Variants in KCNH8 observed in about 807,000 individuals in gnomAD.
KCNH8 encodes potassium voltage-gated channel subfamily H member 8, also known as voltage-gated delayed rectifier potassium channel KCNH8.
Under a neutral mutation model 103.6 loss-of-function variants are expected in KCNH8, and 70 were observed. That is an observed-to-expected ratio of 0.68 (90% CI 0.56 to 0.82). KCNH8 has a LOEUF of 0.82. Among genes scored for constraint, KCNH8 ranks in the 40% least tolerant of loss-of-function variants. KCNH8 has a pLI of 0.00. For missense variants in KCNH8, 1,217 were observed against 1,329.9 expected (o/e 0.92, Z 1.32); for synonymous variants, 498 against 489.4 (o/e 1.02, Z -0.23).
intron 11 of KCNH8, among the ~76,000 whole-genome samples, chr3:19,473,108 A>T (rs1173333425): frequency 6.6e-6 from 1 of 152,218 alleles, no homozygotes; most frequent in African/African-American, 2.4e-5. Flanking sequence ...AAAGAATCAA[A>T]CAGAATAAAA....
intron 1 of KCNH8, among the ~76,000 whole-genome samples, chr3:19,177,398 T>A (rs1453076164): frequency 6.6e-6 from 1 of 152,128 alleles, no homozygotes; most frequent in Non-Finnish European, 1.5e-5. Context: ...GTAATGATTG[T>A]CATGCATCTA....
At chr3:19,484,755 G>A (rs1162191610) in intron 11 of KCNH8, among the ~76,000 whole-genome samples, 1 of 152,152 alleles carries the variant, frequency 6.6e-6, no homozygotes, top group Non-Finnish European at 1.5e-5. Flanking sequence ...AGGATGAACT[G>A]GGGAGAATAA....
chr3:19,346,753 T>C, intron 4 of KCNH8: 1 of 451,442 alleles, frequency 2.2e-6, no homozygotes, highest in South Asian at 1.6e-5. Flanking sequence ...TATTCGGGAA[T>C]TTATAACTGC....
chr3:19,515,495 G>A, intron 14 of KCNH8, 67 bp downstream of exon 14: 2 of 666,954 alleles, frequency 3.0e-6, no homozygotes, highest in Non-Finnish European at 4.1e-6. Flanking sequence ...GTTTGTTATG[G>A]GCATTTTTTT....
intron 3 of KCNH8, among the ~76,000 whole-genome samples, chr3:19,321,633 A>T (rs1443159438): frequency 1.3e-5 from 2 of 151,160 alleles, no homozygotes; most frequent in Non-Finnish European, 2.9e-5. Flanking sequence ...TTGTGTGCTG[A>T]TGAGTAGAAT....
chr3:19,358,455 C>A (rs1054283780), intron 5 of KCNH8, among the ~76,000 whole-genome samples: 2 of 151,772 alleles, frequency 1.3e-5, no homozygotes, highest in African/African-American at 4.8e-5. Flanking sequence ...AAAATATGTT[C>A]TTTAGCAGGA....
At chr3:19,399,015 A>G (rs903952259) in intron 7 of KCNH8, among the ~76,000 whole-genome samples, 2 of 152,012 alleles carry the variant, frequency 1.3e-5, no homozygotes, top group African/African-American at 4.8e-5. Flanking sequence ...CCTCTGAAAA[A>G]TGTTTACATA....
At chr3:19,304,450 ATATT>A (rs1466411235) in intron 3 of KCNH8, among the ~76,000 whole-genome samples, 4 of 152,240 alleles carry the variant, frequency 2.6e-5, no homozygotes, top group Admixed American at 2.0e-4. Context: ...ACAAAGCTAA[ATATT>A]TAATATCTCT....
intron 11 of KCNH8, among the ~76,000 whole-genome samples, chr3:19,501,262 A>C (rs976808386): frequency 2.0e-5 from 3 of 152,144 alleles, no homozygotes; most frequent in African/African-American, 7.2e-5. Flanking sequence ...CAATAACAGG[A>C]GCTGAAATTG....
At chr3:19,159,404 T>C (rs2063212666) in intron 1 of KCNH8, among the ~76,000 whole-genome samples, 1 of 152,002 alleles carries the variant, frequency 6.6e-6, no homozygotes, top group Non-Finnish European at 1.5e-5. Context: ...GAATTTACAT[T>C]CTTTTCTTGG....
At chr3:19,430,364 C>CTG (rs2067102029) in intron 7 of KCNH8, among the ~76,000 whole-genome samples, 1 of 152,012 alleles carries the variant, frequency 6.6e-6, no homozygotes, top group Non-Finnish European at 1.5e-5. Flanking sequence ...CTTTTGGTTA[C>CTG]TGTAGCCTGG....
chr3:19,259,384 G>T (rs568533540), intron 2 of KCNH8, among the ~76,000 whole-genome samples: 4 of 151,500 alleles, frequency 2.6e-5, no homozygotes, highest in Non-Finnish European at 5.9e-5. Context: ...AGTATACTGG[G>T]TAATAATAGA....
chr3:19,392,537 G>A (rs1284611349), intron 6 of KCNH8, among the ~76,000 whole-genome samples: 1 of 151,876 alleles, frequency 6.6e-6, no homozygotes, highest in African/African-American at 2.4e-5. Flanking sequence ...CATAAGTTAT[G>A]AGGAATAACT....
chr3:19,266,057 AAGTGTGTCCTGC>A lies in KCNH8; in HGVS notation c.310+12172_310+12183del, dbSNP rs375769977. Among the ~76,000 whole-genome samples, 513 of 152,158 alleles carry A rather than the reference AAGTGTGTCCTGC, an allele frequency of 3.4e-3. 4 individuals are homozygous for A. The highest frequency in any genetic ancestry group is 0.011 in the African/African-American group (460 of 41,546). On this transcript the variant is annotated intron_variant, in intron 2 of 15. Coordinates refer to ENST00000328405, the MANE Select transcript of KCNH8 (RefSeq NM_144633.3). Reference sequence around the variant, plus strand: ...CACTGTCTCCAAAGCTGTCTTCCTGAAGTGTGTCCTGCAATCCCCAAGTGTGCATCTCCACAA... The same window carrying A: ...CACTGTCTCCAAAGCTGTCTTCCTGAAATCCCCAAGTGTGCATCTCCACAA...
chr3:19,436,882 C>T (rs775106975), intron 7 of KCNH8, among the ~76,000 whole-genome samples: 1 of 152,202 alleles, frequency 6.6e-6, no homozygotes, highest in East Asian at 1.9e-4. Flanking sequence ...ATTCTTGGTT[C>T]GGACCCTCTT....
chr3:19,195,016 A>G (rs781450331), intron 1 of KCNH8, among the ~76,000 whole-genome samples: 3 of 151,932 alleles, frequency 2.0e-5, no homozygotes, highest in Non-Finnish European at 4.4e-5. Flanking sequence ...CAAGGCCATC[A>G]TAACTGAAGT....
chr3:19,391,337 A>G (rs1311368640), intron 6 of KCNH8, among the ~76,000 whole-genome samples: 1 of 152,038 alleles, frequency 6.6e-6, no homozygotes, highest in African/African-American at 2.4e-5. Context: ...AATGATTGGT[A>G]TTCTTAAAAG....
At chr3:19,200,159 G>GA (rs1318888357) in intron 1 of KCNH8, among the ~76,000 whole-genome samples, 2 of 151,632 alleles carry the variant, frequency 1.3e-5, no homozygotes, top group Non-Finnish European at 1.5e-5. Context: ...AAAACAAGAG[G>GA]AAAAAATGGG....
At chr3:19,435,581 A>ATGGC (rs1190867331) in intron 7 of KCNH8, among the ~76,000 whole-genome samples, 10 of 152,194 alleles carry the variant, frequency 6.6e-5, no homozygotes, top group Admixed American at 1.3e-4. Context: ...CTTTTACAAC[A>ATGGC]TGGCTCATTC....
Sources: gnomAD v4.1 joint callset for allele counts (sites outside exome capture counted in the v4.1 genomes callset) on GRCh38, gnomAD v4.1.1 for gene constraint, MANE v1.5 for transcripts, NCBI Gene and HGNC (gene_info 2026-07-23, HGNC 2026-07-21) for gene names.